The following HIBADH variants were observed in gnomAD, a reference collection of about 807,000 sequenced individuals.
HIBADH encodes the protein 3-hydroxyisobutyrate dehydrogenase.
HIBADH carries 25 observed loss-of-function variants against 36.1 expected under a neutral mutation model. That is an observed-to-expected ratio of 0.69 (90% confidence interval 0.50 to 0.97). The LOEUF (loss-of-function observed/expected upper bound fraction) is 0.97. Among genes scored for constraint, HIBADH ranks in the 50% least tolerant of loss-of-function variants. The pLI is 0.00. For missense variants in HIBADH, 421 were observed against 418.0 expected (o/e 1.01, Z -0.06); for synonymous variants, 160 against 149.5 (o/e 1.07, Z -0.51).
intron 4 of HIBADH, among the ~76,000 whole-genome samples, chr7:27,595,314 C>A (rs546659639): frequency 1.6e-4 from 25 of 152,178 alleles, no homozygotes; most frequent in African/African-American, 5.8e-4. Flanking sequence ...GACAGGAGTT[C>A]GAGACCAGCC....
chr7:27,529,955 A>T (rs2128182733), intron 7 of HIBADH, among the ~76,000 whole-genome samples: 1 of 152,340 alleles, frequency 6.6e-6, no homozygotes, highest in Middle Eastern at 3.4e-3. Flanking sequence ...GCAAAAAAGG[A>T]CTATATGACT....
intron 4 of HIBADH, among the ~76,000 whole-genome samples, chr7:27,571,279 A>G (rs182334742): frequency 4.6e-5 from 7 of 151,788 alleles, no homozygotes; most frequent in Non-Finnish European, 1.0e-4. Context: ...CTGGAGTGCA[A>G]TGGTGTGATC....
At chr7:27,530,930 GCGCACACACACACACA>G (rs1783987477) in intron 7 of HIBADH, among the ~76,000 whole-genome samples, 1 of 151,722 alleles carries the variant, frequency 6.6e-6, no homozygotes, top group African/African-American at 2.4e-5. Flanking sequence ...AAACCCAAGT[GCGCACACACACACACA>G]CGCACACACA....
At chr7:27,530,859 T>C (rs1347121099) in intron 7 of HIBADH, among the ~76,000 whole-genome samples, 1 of 152,164 alleles carries the variant, frequency 6.6e-6, no homozygotes. Context: ...TGTTCTCATT[T>C]AAGAAGTTGG....
intron 2 of HIBADH, chr7:27,649,228 C>A: frequency 2.9e-6 from 1 of 348,328 alleles, no homozygotes; most frequent in Non-Finnish European, 5.1e-6. Context: ...AAAACAAGGC[C>A]CTCTGACCAA....
At chr7:27,607,009 C>G (rs1421266940) in intron 4 of HIBADH, among the ~76,000 whole-genome samples, 1 of 152,118 alleles carries the variant, frequency 6.6e-6, no homozygotes, top group African/African-American at 2.4e-5. Flanking sequence ...CGTAAGGTAA[C>G]TTTTCTGTAT....
intron 5 of HIBADH, among the ~76,000 whole-genome samples, chr7:27,540,873 C>G (rs927554197): frequency 1.3e-5 from 2 of 152,186 alleles, no homozygotes; most frequent in African/African-American, 4.8e-5. Flanking sequence ...TGCCTGACTC[C>G]AGAGACAAAG....
At chr7:27,646,948 G>A (rs911401570) in intron 2 of HIBADH, among the ~76,000 whole-genome samples, 3 of 151,906 alleles carry the variant, frequency 2.0e-5, no homozygotes, top group African/African-American at 7.3e-5. Context: ...CGCCTGCCTT[G>A]GCCTCCCAAA....
intron 2 of HIBADH, among the ~76,000 whole-genome samples, chr7:27,644,135 A>T (rs896099894): frequency 1.3e-5 from 2 of 152,184 alleles, no homozygotes; most frequent in African/African-American, 4.8e-5. Flanking sequence ...TCACAGATAT[A>T]TGCAACCATG....
intron 4 of HIBADH, among the ~76,000 whole-genome samples, chr7:27,575,851 GGACAGCCTGAA>G (rs1423181824): frequency 6.6e-6 from 1 of 152,192 alleles, no homozygotes; most frequent in Non-Finnish European, 1.5e-5. Context: ...ATTCTGGGCT[GGACAGCCTGAA>G]GACAGCCATC....
chr7:27,606,846 T>C (rs1021779966), intron 4 of HIBADH, among the ~76,000 whole-genome samples: 5 of 152,234 alleles, frequency 3.3e-5, no homozygotes, highest in East Asian at 1.9e-4. Context: ...CCACTTTGGA[T>C]AGTTACAATT....
intron 2 of HIBADH, chr7:27,647,689 TAAAG>T (rs1339386127): frequency 2.4e-6 from 1 of 418,312 alleles, no homozygotes; most frequent in Non-Finnish European, 5.0e-6. Flanking sequence ...TTAGCAACAC[TAAAG>T]AAATAAGAAA....
At chr7:27,580,197 T>G (rs531202328) in intron 4 of HIBADH, among the ~76,000 whole-genome samples, 1 of 152,214 alleles carries the variant, frequency 6.6e-6, no homozygotes, top group Non-Finnish European at 1.5e-5. Context: ...CATTTCTCAA[T>G]ACAAGAATCA....
In HIBADH at chr7:27,526,367, C is replaced by T. The variant is rs765621312; in HGVS notation, c.858G>A (p.Leu286=). The change falls in exon 8 of 8, where the codon CTG becomes CTA. Residue 286 remains leucine, a synonymous_variant. Transcript: ENST00000265395. Reference sequence around the variant, plus strand: ...TGGTAGCAGAGTCTTGTGCCAATCCCAGATCCTAAATCAAACAGGAGGAGA... The same window carrying T: ...TGGTAGCAGAGTCTTGTGCCAATCCTAGATCCTAAATCAAACAGGAGGAGA... ...GFGTTLMAKD[L]GLAQDSATST... 5.1e-5 allele frequency: 82 copies of T among 1,609,380 alleles called. No homozygotes were observed. The highest frequency in any genetic ancestry group is 6.5e-5 in the Non-Finnish European group (77 of 1,177,844).
intron 2 of HIBADH, among the ~76,000 whole-genome samples, chr7:27,640,150 A>C (rs1310605715): frequency 6.6e-6 from 1 of 152,198 alleles, no homozygotes; most frequent in Non-Finnish European, 1.5e-5. Flanking sequence ...TTTGGAATAC[A>C]AAGAACAATG....
chr7:27,538,477 GT>G, intron 5 of HIBADH, 60 bp from the exon 6 acceptor site: 1 of 1,429,306 alleles, frequency 7.0e-7, no homozygotes. Context: ...CTCACAGGAC[GT>G]TTTTCCTTGC....
At chr7:27,613,199 T>TTATATAAA (rs1339117276) in intron 4 of HIBADH, among the ~76,000 whole-genome samples, 1 of 96,770 alleles carries the variant, frequency 1.0e-5, no homozygotes, top group Non-Finnish European at 2.0e-5. Context: ...ATATATATAT[T>TTATATAAA]TATATTTATA....
chr7:27,635,784 GGCTGC>G (rs1366105992), intron 2 of HIBADH, among the ~76,000 whole-genome samples: 2 of 97,318 alleles, frequency 2.1e-5, no homozygotes, highest in Non-Finnish European at 3.9e-5. Context: ...TGATTGTCAA[GGCTGC>G]CCCAGACAGA....
intron 7 of HIBADH, among the ~76,000 whole-genome samples, chr7:27,529,207 G>A (rs1644016402): frequency 6.6e-6 from 1 of 152,148 alleles, no homozygotes; most frequent in Admixed American, 6.5e-5. Context: ...GATTAATGTT[G>A]TTTTCATGTC....
Sources: allele counts gnomAD v4.1 joint callset (sites outside exome capture counted in the v4.1 genomes callset), GRCh38; gene constraint gnomAD v4.1.1; transcripts MANE v1.5; gene names NCBI Gene and HGNC (gene_info 2026-07-23, HGNC 2026-07-21).